Variants in YY1AP1 observed in about 807,000 individuals in gnomAD.
YY1AP1 encodes YY1-associated protein 1.
In YY1AP1, 43 loss-of-function variants were observed where a neutral mutation model predicts 39.9. The ratio of observed to expected loss-of-function variants is 1.08; its 90% CI spans 0.84 to 1.39. The LOEUF (loss-of-function observed/expected upper bound fraction) is 1.39, where lower values mean the gene tolerates loss of function less well. Among genes scored for constraint, YY1AP1 ranks in the 40% most tolerant of loss-of-function variants. YY1AP1 has a pLI of 0.00. For synonymous variants in YY1AP1, 292 were observed against 331.3 expected (o/e 0.88, Z 1.29); for missense variants, 813 against 900.7 (o/e 0.90, Z 1.25).
Position 155,668,539 on chromosome 1 carries a change from A to AGAACC in YY1AP1, c.879+87_879+88insGGTTC, listed in dbSNP as rs1649391143. On this transcript the variant is annotated intron_variant, in intron 9 of 10. Transcript: ENST00000355499. ...GGAGAAATTAGCTTTAGATAAAAGA[A>AGAACC]GGTTCTTCTTTTCTTTGAGAATAAC... is the stretch of plus-strand genomic sequence containing the variant. The AGAACC allele has an allele frequency of 6.2e-6, 10 of 1,602,266 alleles. No individual in the cohort carries two copies. The Admixed American group carries it at 1.3e-4, about 22-fold the overall frequency.
At chr1:155,666,563 G>A (rs538503482) in intron 9 of YY1AP1, among the ~76,000 whole-genome samples, 11 of 152,210 alleles carry the variant, frequency 7.2e-5, no homozygotes, top group South Asian at 4.2e-4. Flanking sequence ...GTAAATCTTC[G>A]GCTTCCGTGG....
Position 155,672,036 on chromosome 1 carries a change from C to T in YY1AP1, c.583+524G>A, listed in dbSNP as rs183476719. 3.3e-5 allele frequency among the ~76,000 whole-genome samples: 5 copies of T among 152,212 alleles called. No individual in the cohort carries two copies. The East Asian group carries it at 7.7e-4, about 23-fold the overall frequency. Reference sequence around the variant, plus strand: ...AACCAATGCAAGGTAGAATCTAAACCGGCAAATTTCTTTAAAATACTGAAC... The same window carrying T: ...AACCAATGCAAGGTAGAATCTAAACTGGCAAATTTCTTTAAAATACTGAAC... On this transcript the variant is annotated intron_variant, in intron 7 of 10. Transcript: ENST00000355499.
intron 4 of YY1AP1, among the ~76,000 whole-genome samples, chr1:155,678,192 TG>T (rs561505159): frequency 6.6e-6 from 1 of 152,356 alleles, no homozygotes; most frequent in South Asian, 2.1e-4. Flanking sequence ...AGTAACACAC[TG>T]TACAGGTTTT....
intron 7 of YY1AP1, chr1:155,670,954 G>A (rs191005875): frequency 1.2e-5 from 2 of 164,324 alleles, no homozygotes; most frequent in East Asian, 1.7e-4. Flanking sequence ...ACAGGCGTAA[G>A]CCACGGCGCC....
chr1:155,686,152 A>G (rs1571372045), intron 2 of YY1AP1, among the ~76,000 whole-genome samples: 1 of 146,484 alleles, frequency 6.8e-6, no homozygotes, highest in Non-Finnish European at 1.5e-5. Flanking sequence ...CTCCTGCCTC[A>G]GCCTCCCCGA....
chr1:155,674,118 G>A (rs1171629508), intron 6 of YY1AP1, among the ~76,000 whole-genome samples: 3 of 130,220 alleles, frequency 2.3e-5, no homozygotes, highest in African/African-American at 9.4e-5. Flanking sequence ...CCGAGATCCC[G>A]CCACTGCACT....
chr1:155,678,063 A>G (rs1426239669), intron 4 of YY1AP1, among the ~76,000 whole-genome samples: 1 of 152,230 alleles, frequency 6.6e-6, no homozygotes, highest in African/African-American at 2.4e-5. Flanking sequence ...AGAATGTTTC[A>G]GTCAATAACG....
chr1:155,676,726 T>C lies in YY1AP1; in HGVS notation c.146A>G (p.Asn49Ser). ...QALRFEELLA[N>S]LLNEQHQIAK... is the part of the protein sequence containing the mutation. Reference sequence around the variant, plus strand: ...TATCTGATGTTGTTCATTTAGTAGGTTGGCCAGTAGTTCCTCAAACCTATC... The same window carrying C: ...TATCTGATGTTGTTCATTTAGTAGGCTGGCCAGTAGTTCCTCAAACCTATC... The change falls in exon 5 of 11, where the codon AAC (asparagine) becomes AGC (serine). Residue 49 changes from asparagine (N) to serine (S), a missense_variant. By Grantham distance (46) the Asn-to-Ser change is conservative. Transcript: ENST00000355499. 6.2e-7 allele frequency: 1 copy of C among 1,614,110 alleles called. No individual in the cohort carries two copies. Among genetic ancestry groups the C allele is most frequent in the East Asian group, 2.2e-5 (1 of 44,878 alleles).
At chr1:155,667,662 A>G (rs1649215785) in intron 9 of YY1AP1, among the ~76,000 whole-genome samples, 1 of 151,838 alleles carries the variant, frequency 6.6e-6, no homozygotes, top group South Asian at 2.1e-4. Flanking sequence ...CGACTCTACT[A>G]AATACAAAAA....
At position 155,667,953 on chromosome 1, in the gene YY1AP1, A is replaced by C. The variant is rs28552422; in HGVS notation, c.879+674T>G. On this transcript the variant is annotated intron_variant, in intron 9 of 10. Transcript: ENST00000355499. ...ATACATACAGACACAGACACACACA[A>C]ACACACACACACACACACACACACA... is the stretch of plus-strand genomic sequence containing the variant. Among the ~76,000 whole-genome samples the C allele has an allele frequency of 7.6e-4, 110 of 144,924 alleles. No individual in the cohort carries two copies. In the East Asian group the frequency reaches 9.5e-3, roughly 12 times the overall value.
chr1:155,672,805 T>G, intron 6 of YY1AP1, 74 bp from the exon 7 acceptor site: 1 of 1,607,766 alleles, frequency 6.2e-7, no homozygotes, highest in Non-Finnish European at 8.5e-7. Context: ...AGAATCTAAA[T>G]GAGAAGCTGA....
intron 6 of YY1AP1, among the ~76,000 whole-genome samples, chr1:155,673,752 TA>T (rs1327206451): frequency 6.6e-6 from 1 of 151,546 alleles, no homozygotes; most frequent in East Asian, 2.0e-4. Context: ...GGGGTCTTAC[TA>T]TGTTGCCCAG....
chr1:155,661,304 T>C lies in YY1AP1; in HGVS notation c.996+3A>G, dbSNP rs761014772. 6.8e-6 allele frequency: 11 copies of C among 1,613,850 alleles called. No individual in the cohort carries two copies. The highest frequency in any genetic ancestry group is 1.6e-4 in the Middle Eastern group (1 of 6,076). On this transcript the variant is annotated splice_donor_region_variant and intron_variant, in intron 10 of 10. Transcript: ENST00000355499. ...CTACAGACTTCGAGGAAGAGGGCTGTACCTTTAACCAGAATGGGAGCCGGT... is the reference window on the plus strand; with the variant it reads ...CTACAGACTTCGAGGAAGAGGGCTGCACCTTTAACCAGAATGGGAGCCGGT...
At chr1:155,681,231 T>C (rs930868865) in intron 2 of YY1AP1, among the ~76,000 whole-genome samples, 8 of 151,854 alleles carry the variant, frequency 5.3e-5, no homozygotes, top group African/African-American at 9.7e-5. Context: ...GGTTTCTCCA[T>C]ATTGGTCAGG....
intron 6 of YY1AP1, among the ~76,000 whole-genome samples, chr1:155,673,116 T>C (rs1288775532): frequency 1.3e-5 from 2 of 152,068 alleles, no homozygotes; most frequent in Non-Finnish European, 2.9e-5. Context: ...CCTCCCAGGC[T>C]CAAGCCATCC....
At chr1:155,688,876 T>G, upstream of YY1AP1, 1 of 1,609,856 alleles carries the variant, frequency 6.2e-7, no homozygotes, top group Non-Finnish European at 8.5e-7. Flanking sequence ...CGAGTCTGGC[T>G]TGCCGTTTGA....
In YY1AP1 at chr1:155,688,173, T is replaced by C. The variant is rs1652831110; in HGVS notation, c.-123A>G. On this transcript the variant is annotated 5_prime_UTR_variant, in exon 2 of 11. Coordinates refer to ENST00000355499, the MANE Select transcript of YY1AP1 (RefSeq NM_139119.3). ...GGGTCCACCGCGGATCCCTCCCGCT[T>C]GTCAGGAGGCGGCCAGCGGGTAAGC... The C allele has an allele frequency of 4.3e-6, 7 of 1,613,902 alleles. No homozygotes were observed. The highest frequency in any genetic ancestry group is 5.9e-6 in the Non-Finnish European group (7 of 1,179,956).
chr1:155,688,240 G>A (rs761371381), intron 1 of YY1AP1, 39 bp from the exon 2 acceptor site: 1 of 1,610,986 alleles, frequency 6.2e-7, no homozygotes, highest in Non-Finnish European at 8.5e-7. Context: ...AAAGGTGGAG[G>A]GCTAAAGGGG....
rs966302748 is a variant in YY1AP1 at position 155,667,820 on chromosome 1, CTCAA to C, written c.879+803_879+806del. 2.6e-5 allele frequency among the ~76,000 whole-genome samples: 4 copies of C among 151,710 alleles called. No individual in the cohort carries two copies. The East Asian group carries it at 5.9e-4, about 22-fold the overall frequency. On this transcript the variant is annotated intron_variant, in intron 9 of 10. Coordinates refer to ENST00000355499, the MANE Select transcript of YY1AP1 (RefSeq NM_139119.3). ...CTGGGGGTCAAGAGCGAGACTCCAT[CTCAA>C]TCAATCAATCAATAAGTAAAAAGAG...
Sources: allele counts gnomAD v4.1 joint callset (sites outside exome capture counted in the v4.1 genomes callset), GRCh38; gene constraint gnomAD v4.1.1; transcripts MANE v1.5; gene names NCBI Gene and HGNC (gene_info 2026-07-23, HGNC 2026-07-21).